Variants in NECAB3 observed in about 807,000 individuals in gnomAD.
NECAB3 encodes the protein N-terminal EF-hand calcium binding protein 3.
A neutral mutation model predicts 57.2 loss-of-function variants in NECAB3; 38 were observed. That is an observed-to-expected ratio of 0.66 (90% CI 0.51 to 0.87). The LOEUF (loss-of-function observed/expected upper bound fraction) is 0.87. Among genes scored for constraint, NECAB3 ranks in the 40% least tolerant of loss-of-function variants. NECAB3 has a pLI of 0.00. For missense variants in NECAB3, 474 were observed against 527.5 expected (o/e 0.90, Z 0.99); for synonymous variants, 223 against 222.6 (o/e 1.00, Z -0.02).
intron 5 of NECAB3, chr20:33,662,576 G>C (rs2017514637): frequency 2.3e-6 from 3 of 1,300,810 alleles, no homozygotes; most frequent in South Asian, 2.8e-5. Context: ...CTTGTATGCA[G>C]AAGTCCTAGG....
At chr20:33,662,903 A>AG (rs912848804) in intron 5 of NECAB3, 2 of 184,258 alleles carry the variant, frequency 1.1e-5, no homozygotes, top group Admixed American at 5.7e-5. Flanking sequence ...CCACTGCTCC[A>AG]GCCTGTAGGA....
rs572600554 is a variant in NECAB3, at chr20:33,667,718, G to A, written c.387+1657C>T. The stretch of plus-strand genomic sequence containing the variant: ...GACCTCTTGCAGCAGGCCCTGCCCC[G>A]CAAGGCCATCACACATCTCAAGAAG... On this transcript the variant is annotated intron_variant, in intron 5 of 11. Coordinates refer to ENST00000246190, the MANE Select transcript of NECAB3 (RefSeq NM_031232.4). 14 of 1,612,062 alleles carry A rather than the reference G, an allele frequency of 8.7e-6. No individual in the cohort carries two copies. In the South Asian group the frequency reaches 1.3e-4, roughly 15 times the overall value.
intron 5 of NECAB3, chr20:33,662,370 A>G: frequency 6.4e-7 from 1 of 1,551,380 alleles, no homozygotes; most frequent in Non-Finnish European, 8.7e-7. Flanking sequence ...TTCCCACAAA[A>G]GGACCAAAGC....
Position 33,660,479 on chromosome 20 carries a change from G to A in NECAB3, c.388-84C>T, listed in dbSNP as rs1348054663. 3 of 1,539,588 alleles carry A rather than the reference G, an allele frequency of 1.9e-6. No homozygotes were observed. Among genetic ancestry groups the A allele is most frequent in the East Asian group, 4.6e-5 (2 of 43,714 alleles). ...GGTCCCCTGCCTCTTGCCCATCAGAGCAGCGGTGGCAGTGCCAAGAGCAGG... is the reference window on the plus strand; with the variant it reads ...GGTCCCCTGCCTCTTGCCCATCAGAACAGCGGTGGCAGTGCCAAGAGCAGG... On this transcript the variant is annotated intron_variant, in intron 5 of 11. Coordinates refer to ENST00000246190, the MANE Select transcript of NECAB3 (RefSeq NM_031232.4). This position sits in a 1 kb window ranked among gnomAD's most constrained non-coding sequence, Gnocchi z 4.1.
intron 5 of NECAB3, chr20:33,663,616 G>A (rs1338568263): frequency 3.1e-6 from 5 of 1,610,236 alleles, no homozygotes; most frequent in Non-Finnish European, 1.7e-6. Context: ...GTCCGGCGCT[G>A]GGCTGGGCTC....
rs1316943783 is a variant in NECAB3, at chr20:33,661,092, A to C, written c.388-697T>G. Reference sequence around the variant, plus strand: ...TGGAGCTTCCATTTCCTCATCTATCAAACAGGAAAGATGAAACTCAGCACA... The same window carrying C: ...TGGAGCTTCCATTTCCTCATCTATCCAACAGGAAAGATGAAACTCAGCACA... On this transcript the variant is annotated intron_variant, in intron 5 of 11. Coordinates refer to ENST00000246190, the MANE Select transcript of NECAB3 (RefSeq NM_031232.4). 3.3e-5 allele frequency among the ~76,000 whole-genome samples: 5 copies of C among 152,148 alleles called. No homozygotes were observed. The East Asian group carries it at 9.6e-4, about 29-fold the overall frequency.
intron 2 of NECAB3, chr20:33,672,054 C>T (rs1601176659): frequency 8.1e-6 from 3 of 371,714 alleles, no homozygotes; most frequent in African/African-American, 4.2e-5. Context: ...CCTCTCTGGC[C>T]CTCTGCTCCT....
At position 33,658,283 on chromosome 20, in the gene NECAB3, C is replaced by G. The variant is rs116404377; in HGVS notation, c.1070+194G>C. The stretch of plus-strand genomic sequence containing the variant: ...TCCCTGTGCTGTATTCAGCTCTTCC[C>G]AGTCACCTCCTTTAGCCCATAGGAG... On this transcript the variant is annotated intron_variant, in intron 10 of 11. Coordinates refer to ENST00000246190, the MANE Select transcript of NECAB3 (RefSeq NM_031232.4). Among the ~76,000 whole-genome samples the G allele has an allele frequency of 4.5e-3, 679 of 152,280 alleles. 6 individuals are homozygous for G. Among genetic ancestry groups the G allele is most frequent in the African/African-American group, 0.016 (662 of 41,542 alleles).
chr20:33,659,361 G>C, intron 8 of NECAB3, 136 bp downstream of exon 8: 1 of 712,584 alleles, frequency 1.4e-6, no homozygotes, highest in Non-Finnish European at 2.2e-6. Flanking sequence ...TCAGAACCCG[G>C]CACCTGCTTG....
chr20:33,665,643 A>G (rs1278258876), intron 5 of NECAB3: 1 of 152,252 alleles, frequency 6.6e-6, no homozygotes. Context: ...ACCTGCAACC[A>G]AACTGGTCCT....
chr20:33,666,291 G>A (rs75714639), intron 5 of NECAB3, among the ~76,000 whole-genome samples: 1 of 152,190 alleles, frequency 6.6e-6, no homozygotes, highest in Non-Finnish European at 1.5e-5. Context: ...AGTGGTTTGG[G>A]AAAGGAATCA....
intron 5 of NECAB3, chr20:33,667,499 T>C (rs1337141939): frequency 1.7e-5 from 25 of 1,495,088 alleles, no homozygotes; most frequent in Non-Finnish European, 2.2e-5. Context: ...GCGTGCCACA[T>C]GGCTAGCACC....
chr20:33,662,430 T>G, intron 5 of NECAB3: 1 of 1,551,576 alleles, frequency 6.4e-7, no homozygotes, highest in Non-Finnish European at 8.7e-7. Context: ...CAAGGCCTGG[T>G]GGAAATCGTT....
chr20:33,668,023 G>A lies in NECAB3; in HGVS notation c.387+1352C>T, dbSNP rs761425196. The A allele has an allele frequency of 2.6e-6, 4 of 1,542,534 alleles. No individual in the cohort carries two copies. In the African/African-American group the frequency reaches 4.1e-5, roughly 16 times the overall value. On this transcript the variant is annotated intron_variant, in intron 5 of 11. Coordinates refer to ENST00000246190, the MANE Select transcript of NECAB3 (RefSeq NM_031232.4). ...CGGCTCCACACTGTTTCCTGGCTTC[G>A]CCGAGCGCCTGGACAAGGAGCTGGA...
In NECAB3 at chr20:33,660,366, C is replaced by T; in HGVS notation, c.417G>A (p.Gln139=). The change falls in exon 6 of 12, where the codon CAG becomes CAA. Residue 139 remains glutamine (Q), a synonymous_variant. Transcript: ENST00000246190. This position sits in a 1 kb window ranked among gnomAD's most constrained non-coding sequence, Gnocchi z 4.1. ...LEYERASKVD[Q]FVTRFLLRET... is the part of the protein sequence containing the mutation. ...CCCGCAGCAGGAAGCGCGTCACAAACTGGTCCACTTTGGAGGCCCTCTCGT... is the reference window on the plus strand; with the variant it reads ...CCCGCAGCAGGAAGCGCGTCACAAATTGGTCCACTTTGGAGGCCCTCTCGT... The T allele has an allele frequency of 6.2e-7, 1 of 1,613,782 alleles. No homozygotes were observed. The highest frequency in any genetic ancestry group is 8.5e-7 in the Non-Finnish European group (1 of 1,180,006).
intron 5 of NECAB3, chr20:33,667,849 A>C (rs2017723185): frequency 6.2e-7 from 1 of 1,608,868 alleles, no homozygotes; most frequent in South Asian, 1.1e-5. Context: ...CTGCCTCAGC[A>C]GTGAGCGCTT....
At chr20:33,670,662 C>T (rs1455416172) in intron 3 of NECAB3, 22 bp downstream of exon 3, 1 of 1,568,496 alleles carries the variant, frequency 6.4e-7, no homozygotes, top group African/African-American at 1.4e-5. Context: ...CGCATCTACC[C>T]ACGGCCCCCT....
intron 2 of NECAB3, among the ~76,000 whole-genome samples, chr20:33,671,424 C>T (rs772235671): frequency 1.8e-4 from 27 of 152,114 alleles, no homozygotes; most frequent in Admixed American, 6.5e-4. Flanking sequence ...GGATCTGAAC[C>T]TCCCCAGACA....
chr20:33,667,244 A>C, intron 5 of NECAB3: 1 of 400,154 alleles, frequency 2.5e-6, no homozygotes, highest in Non-Finnish European at 4.3e-6. Context: ...CCCAGCTGGG[A>C]CCGGCCGGTG....
Sources: allele counts gnomAD v4.1 joint callset (sites outside exome capture counted in the v4.1 genomes callset), GRCh38; gene constraint gnomAD v4.1.1; non-coding constraint Gnocchi (gnomAD v3.1); transcripts MANE v1.5; gene names NCBI Gene and HGNC (gene_info 2026-07-23, HGNC 2026-07-21).